DLGAP1: variants seen among roughly 807,000 people sequenced by gnomAD.
DLGAP1 encodes disks large-associated protein 1.
In DLGAP1, 11 loss-of-function variants were observed where a neutral mutation model predicts 90.8. That is an observed-to-expected ratio of 0.12 (90% CI 0.08 to 0.20). The LOEUF (loss-of-function observed/expected upper bound fraction) is 0.20. DLGAP1 is among the 10% of genes least tolerant of loss of function. DLGAP1 has a pLI of 1.00. For missense variants in DLGAP1, 1,050 were observed against 1,333.8 expected, an observed-to-expected ratio of 0.79 and a Z score of 3.31; for synonymous variants, 558 against 540.7, an observed-to-expected ratio of 1.03 and a Z score of -0.44.
chr18:4,226,577 T>C (rs2145014960), intron 1 of DLGAP1, among the ~76,000 whole-genome samples: 1 of 151,896 alleles, frequency 6.6e-6, no homozygotes, highest in East Asian at 1.9e-4. Flanking sequence ...AGAGTTTTTA[T>C]TAGTTTTCTC....
intron 2 of DLGAP1, among the ~76,000 whole-genome samples, chr18:4,107,402 A>G (rs1040220678): frequency 2.2e-4 from 33 of 151,954 alleles, no homozygotes; most frequent in Non-Finnish European, 4.3e-4. Context: ...AAGAATACCG[A>G]CCCTCCTCTA....
At position 4,299,104 on chromosome 18, in the gene DLGAP1, A is replaced by AAAAAAAAAAAAC. The variant is rs1555779074; in HGVS notation, c.-266-147818_-266-147817insGTTTTTTTTTTT. On this transcript the variant is annotated intron_variant, in intron 1 of 12. Coordinates refer to ENST00000315677, the MANE Select transcript of DLGAP1 (RefSeq NM_004746.4). ...TCAAGACAAAAAAAAAAAAAAAAAAAAAAAAATAGAAGCAAATTCTTGGGC... is the reference window on the plus strand; with the variant it reads ...TCAAGACAAAAAAAAAAAAAAAAAAAAAAAAAAAAAACAAAAAATAGAAGCAAATTCTTGGGC... Among the ~76,000 whole-genome samples the AAAAAAAAAAAAC allele has an allele frequency of 9.1e-5, 12 of 131,752 alleles. 1 individual carries two copies. The highest frequency in any genetic ancestry group is 1.3e-4 in the Non-Finnish European group (8 of 62,412). 86.4% of individuals were successfully genotyped at this position (131,752 alleles called of 152,430 possible). A position where few individuals can be genotyped will look rare whatever the true frequency, so the allele number is the denominator to read the frequency against.
chr18:3,502,209 T>C (rs1330481006), intron 12 of DLGAP1: 1 of 1,285,816 alleles, frequency 7.8e-7, no homozygotes, highest in Non-Finnish European at 9.8e-7. Flanking sequence ...GGCAGTTCCT[T>C]CCAGTGACTA....
intron 3 of DLGAP1, among the ~76,000 whole-genome samples, chr18:3,976,229 A>AATT (rs1447789134): frequency 6.7e-6 from 1 of 149,600 alleles, no homozygotes; most frequent in Non-Finnish European, 1.5e-5. Context: ...AACGATAATT[A>AATT]GCCAGGTGTG....
intron 7 of DLGAP1, among the ~76,000 whole-genome samples, chr18:3,630,608 G>C (rs2058490288): frequency 6.6e-6 from 1 of 152,066 alleles, no homozygotes; most frequent in Admixed American, 6.6e-5. Context: ...ATACTCCTCA[G>C]TGACAGCACC....
intron 4 of DLGAP1, among the ~76,000 whole-genome samples, chr18:3,853,495 G>A (rs772377463): frequency 7.9e-5 from 12 of 151,394 alleles, no homozygotes; most frequent in Non-Finnish European, 1.6e-4. Context: ...AGTAACAGGC[G>A]GTAAGATTCT....
intron 2 of DLGAP1, among the ~76,000 whole-genome samples, chr18:4,095,599 A>G (rs552110508): frequency 6.6e-6 from 1 of 152,118 alleles, no homozygotes; most frequent in East Asian, 1.9e-4. Context: ...CCGAGAACAT[A>G]AGAAATTTCT....
intron 4 of DLGAP1, chr18:3,874,657 C>T (rs1250148706): frequency 1.3e-6 from 2 of 1,535,582 alleles, no homozygotes; most frequent in Non-Finnish European, 1.7e-6. Flanking sequence ...GTATAAGAGC[C>T]AACCACATCT....
intron 9 of DLGAP1, among the ~76,000 whole-genome samples, chr18:3,548,066 C>A (rs966122297): frequency 6.6e-6 from 1 of 151,998 alleles, no homozygotes; most frequent in African/African-American, 2.4e-5. Flanking sequence ...GACAGCAAAC[C>A]GATTAGCAGT....
intron 2 of DLGAP1, among the ~76,000 whole-genome samples, chr18:4,133,993 C>T (rs1444343745): frequency 2.2e-5 from 3 of 138,602 alleles, no homozygotes; most frequent in African/African-American, 9.2e-5. Flanking sequence ...TAATAGTGGT[C>T]CTAAAAAAAA....
chr18:3,752,041 A>G (rs139739905), intron 5 of DLGAP1, among the ~76,000 whole-genome samples: 28 of 149,928 alleles, frequency 1.9e-4, no homozygotes, highest in Non-Finnish European at 7.4e-5. Context: ...GTGCCACCAC[A>G]CCCAGCTAAT....
intron 4 of DLGAP1, chr18:3,878,355 G>A (rs957110598): frequency 6.6e-6 from 1 of 152,160 alleles, no homozygotes; most frequent in African/African-American, 2.4e-5. Flanking sequence ...TCAGTGAACT[G>A]GAGGAAAACA....
At position 3,508,549 on chromosome 18, in the gene DLGAP1, TAGA is replaced by T. The variant is rs763643448; in HGVS notation, c.2571+18_2571+20del. The T allele has an allele frequency of 3.2e-6, 5 of 1,575,584 alleles. No individual in the cohort carries two copies. The highest frequency in any genetic ancestry group is 1.8e-5 in the Admixed American group (1 of 57,026). On this transcript the variant is annotated intron_variant, in intron 11 of 12. Coordinates refer to ENST00000315677, the MANE Select transcript of DLGAP1 (RefSeq NM_004746.4). ...TCTCATGGCACTAGCAGGGAAATTG[TAGA>T]AGGAGAGTGTTACCTACCAGGTTTT... is the stretch of plus-strand genomic sequence containing the variant.
chr18:3,971,179 T>G (rs17574348), intron 3 of DLGAP1, among the ~76,000 whole-genome samples: 8,602 of 152,324 alleles, frequency 0.056, 288 homozygotes, highest in Non-Finnish European at 0.076. Context: ...AGCATTGACC[T>G]AGAGAATGAA....
chr18:4,013,945 T>G (rs1201685023), intron 2 of DLGAP1: 2 of 152,166 alleles, frequency 1.3e-5, no homozygotes, highest in African/African-American at 2.4e-5. Context: ...AACAATATAT[T>G]TATTTATTCC....
chr18:3,599,262 C>T (rs1345411363), intron 7 of DLGAP1, among the ~76,000 whole-genome samples: 1 of 152,192 alleles, frequency 6.6e-6, no homozygotes, highest in Non-Finnish European at 1.5e-5. Flanking sequence ...CCTATAGTCT[C>T]ATTAAATTAA....
intron 1 of DLGAP1, among the ~76,000 whole-genome samples, chr18:4,226,882 T>C (rs1260942858): frequency 6.6e-6 from 1 of 151,796 alleles, no homozygotes; most frequent in African/African-American, 2.4e-5. Flanking sequence ...TGAATGTAAA[T>C]GGACTAAACT....
intron 9 of DLGAP1, among the ~76,000 whole-genome samples, chr18:3,549,566 C>T (rs960397724): frequency 2.0e-5 from 3 of 152,224 alleles, no homozygotes; most frequent in East Asian, 1.9e-4. Flanking sequence ...ATCCTGACCT[C>T]GTGATCCACC....
intron 4 of DLGAP1, among the ~76,000 whole-genome samples, chr18:3,864,870 G>A (rs968578932): frequency 1.3e-5 from 2 of 151,988 alleles, no homozygotes; most frequent in East Asian, 1.9e-4. Context: ...GGGTAATTAC[G>A]CAACATTCTA....
Sources: allele counts gnomAD v4.1 joint callset (sites outside exome capture counted in the v4.1 genomes callset), GRCh38; gene constraint gnomAD v4.1.1; transcripts MANE v1.5; gene names NCBI Gene and HGNC (gene_info 2026-07-23, HGNC 2026-07-21).